The following FTO variants were observed in gnomAD, a reference collection of about 807,000 sequenced individuals.
The protein encoded by FTO is alpha-ketoglutarate-dependent dioxygenase FTO.
Under a neutral mutation model 63.9 loss-of-function variants are expected in FTO, and 47 were observed. The observed-to-expected ratio is 0.74, with a 90% CI of 0.58 to 0.94. The LOEUF (loss-of-function observed/expected upper bound fraction) is 0.94. Among genes scored for constraint, FTO ranks in the 40% least tolerant of loss-of-function variants. The pLI is 0.00. For missense variants in FTO, 562 were observed against 618.1 expected (o/e 0.91, Z 0.96); for synonymous variants, 207 against 224.4 (o/e 0.92, Z 0.69).
At chr16:53,827,129 C>T (rs1209467320) in intron 3 of FTO, among the ~76,000 whole-genome samples, 1 of 152,094 alleles carries the variant, frequency 6.6e-6, no homozygotes, top group African/African-American at 2.4e-5. Flanking sequence ...AGTTTTAGAC[C>T]TTGTTGGGTG....
chr16:53,977,705 A>G (rs1486659611), intron 8 of FTO, among the ~76,000 whole-genome samples: 3 of 152,142 alleles, frequency 2.0e-5, no homozygotes, highest in Non-Finnish European at 2.9e-5. Flanking sequence ...TTGAAGCATG[A>G]TGAGTATAAA....
intron 8 of FTO, among the ~76,000 whole-genome samples, chr16:54,061,071 T>G (rs2085557891): frequency 6.6e-6 from 1 of 152,192 alleles, no homozygotes; most frequent in Non-Finnish European, 1.5e-5. Flanking sequence ...CATTTAGTGA[T>G]TCAAAATGGA....
At chr16:53,863,064 A>T (rs1194428675) in intron 4 of FTO, among the ~76,000 whole-genome samples, 1 of 152,174 alleles carries the variant, frequency 6.6e-6, no homozygotes, top group Admixed American at 6.5e-5. Flanking sequence ...AAATGCTATT[A>T]AAAAAGTCAG....
intron 1 of FTO, among the ~76,000 whole-genome samples, chr16:53,709,340 C>T (rs980207326): frequency 2.0e-5 from 3 of 152,176 alleles, no homozygotes; most frequent in African/African-American, 7.2e-5. Context: ...AACTTTTCTT[C>T]TAAGGCATAT....
intron 8 of FTO, among the ~76,000 whole-genome samples, chr16:54,061,485 A>G (rs993095719): frequency 1.4e-4 from 22 of 152,126 alleles, no homozygotes; most frequent in Non-Finnish European, 2.9e-5. Flanking sequence ...AATTGCTTTT[A>G]GGTTTGTTTT....
intron 1 of FTO, among the ~76,000 whole-genome samples, chr16:53,705,501 TA>T (rs1429747096): frequency 6.6e-6 from 1 of 152,250 alleles, no homozygotes; most frequent in African/African-American, 2.4e-5. Flanking sequence ...TGGCAGTGAA[TA>T]ACAGTGTTAA....
intron 4 of FTO, among the ~76,000 whole-genome samples, chr16:53,869,767 C>T (rs933058486): frequency 7.9e-5 from 12 of 152,152 alleles, no homozygotes; most frequent in Admixed American, 5.9e-4. Context: ...TCAGTTCTTG[C>T]ATGTCGTCTA....
chr16:53,861,410 CATTT>C (rs1160870358), intron 4 of FTO, among the ~76,000 whole-genome samples: 4 of 152,036 alleles, frequency 2.6e-5, no homozygotes, highest in Admixed American at 2.0e-4. Flanking sequence ...TTTTAAATGT[CATTT>C]ATTTATTCAT....
intron 8 of FTO, among the ~76,000 whole-genome samples, chr16:53,951,782 A>C (rs996813201): frequency 6.6e-6 from 1 of 152,088 alleles, no homozygotes; most frequent in Non-Finnish European, 1.5e-5. Flanking sequence ...TTTTCAACTA[A>C]TATTATTGAG....
intron 8 of FTO, among the ~76,000 whole-genome samples, chr16:53,953,860 T>G (rs1028242007): frequency 7.9e-5 from 12 of 152,356 alleles, no homozygotes; most frequent in Admixed American, 2.6e-4. Context: ...AGGTACAGTG[T>G]CCATTCTCCA....
chr16:53,961,768 A>C (rs1227145308), intron 8 of FTO, among the ~76,000 whole-genome samples: 2 of 152,208 alleles, frequency 1.3e-5, no homozygotes, highest in African/African-American at 4.8e-5. Flanking sequence ...AGTTATGATG[A>C]CCAACATTGA....
intron 8 of FTO, chr16:53,965,893 A>T (rs1302692388): frequency 1.3e-5 from 2 of 148,378 alleles, no homozygotes; most frequent in Non-Finnish European, 3.0e-5. Context: ...TTTGAGTTAG[A>T]GTCTTCCTCT....
intron 3 of FTO, among the ~76,000 whole-genome samples, chr16:53,827,097 C>G (rs974740709): frequency 5.9e-5 from 9 of 152,178 alleles, no homozygotes; most frequent in African/African-American, 2.2e-4. Context: ...AGGAAACTCC[C>G]TAGCTCTTTA....
At chr16:53,786,941 C>G (rs141126322) in intron 1 of FTO, among the ~76,000 whole-genome samples, 47 of 151,676 alleles carry the variant, frequency 3.1e-4, no homozygotes, top group African/African-American at 1.1e-3. Context: ...GAAATCCCAT[C>G]TCTACTAAAA....
chr16:53,941,528 C>T (rs1412179342), intron 8 of FTO, among the ~76,000 whole-genome samples: 1 of 152,190 alleles, frequency 6.6e-6, no homozygotes, highest in African/African-American at 2.4e-5. Context: ...GAGGATTGGA[C>T]GTTTGTTTGT....
intron 1 of FTO, among the ~76,000 whole-genome samples, chr16:53,753,266 A>C (rs566245218): frequency 2.3e-4 from 35 of 151,588 alleles, no homozygotes; most frequent in African/African-American, 6.1e-4. Context: ...AAAAAAAAAA[A>C]AACAAAACAA....
intron 8 of FTO, among the ~76,000 whole-genome samples, chr16:54,092,502 G>A (rs1015260930): frequency 6.6e-6 from 1 of 152,098 alleles, no homozygotes; most frequent in African/African-American, 2.4e-5. Context: ...GCAAGTCATG[G>A]CTGTCCAAAA....
At position 53,916,558 on chromosome 16, in the gene FTO, G is replaced by T. The variant is rs2081871257; in HGVS notation, c.1240-17427G>T. On this transcript the variant is annotated intron_variant, in intron 7 of 8. Transcript: ENST00000471389. ...TGCTCATGTGAACATTGAACATTGG[G>T]TATTCTTTCCTAACCAGAGAGAAGC... Among the ~76,000 whole-genome samples the T allele has an allele frequency of 2.0e-5, 3 of 152,150 alleles. No homozygotes were observed. In the South Asian group the frequency reaches 6.2e-4, roughly 32 times the overall value.
intron 8 of FTO, among the ~76,000 whole-genome samples, chr16:54,094,788 G>A (rs563814766): frequency 4.6e-5 from 7 of 152,270 alleles, no homozygotes; most frequent in African/African-American, 1.4e-4. Flanking sequence ...TTCATCAAAC[G>A]AATACTGTGT....
Sources: allele counts gnomAD v4.1 joint callset (sites outside exome capture counted in the v4.1 genomes callset), GRCh38; gene constraint gnomAD v4.1.1; transcripts MANE v1.5; gene names NCBI Gene and HGNC (gene_info 2026-07-23, HGNC 2026-07-21).